The following KIF20B variants were observed in gnomAD, a reference collection of about 807,000 sequenced individuals.
The protein encoded by KIF20B is kinesin-like protein KIF20B.
Under a neutral mutation model 232.5 loss-of-function variants are expected in KIF20B, and 188 were observed. The observed-to-expected ratio is 0.81, with a 90% CI of 0.72 to 0.91. The LOEUF (loss-of-function observed/expected upper bound fraction) is 0.91, where lower values mean the gene tolerates loss of function less well. Among genes scored for constraint, KIF20B ranks in the 40% least tolerant of loss-of-function variants. The pLI is 0.00. For synonymous variants in KIF20B, 712 were observed against 683.0 expected (o/e 1.04, Z -0.66); for missense variants, 2,154 against 2,055.9 (o/e 1.05, Z -0.92).
intron 5 of KIF20B, among the ~76,000 whole-genome samples, chr10:89,710,361 C>T (rs1842812529): frequency 6.6e-6 from 1 of 151,962 alleles, no homozygotes; most frequent in Non-Finnish European, 1.5e-5. Context: ...TCCCAAGTAG[C>T]TGGGACTACA....
chr10:89,753,893 C>T (rs188795416), intron 25 of KIF20B, among the ~76,000 whole-genome samples: 61 of 152,166 alleles, frequency 4.0e-4, no homozygotes, highest in Non-Finnish European at 8.1e-4. Flanking sequence ...GCTGGAATTA[C>T]GGGCGTGAGC....
chr10:89,737,683 C>T lies in KIF20B; in HGVS notation c.2842C>T (p.His948Tyr), dbSNP rs150024761. 806 of 1,612,892 alleles carry T rather than the reference C, an allele frequency of 5.0e-4. 7 individuals are homozygous for T. The African/African-American group carries it at 9.7e-3, about 19-fold the overall frequency. ...SNYDIAIAEL[H>Y]VQKSKNQEQE... ...TTATGATATTGCAATTGCTGAATTA[C>T]ATGTGCAGAAAAGTAAAAATCAAGA... The change falls in exon 20 of 33, where the codon CAT (histidine) becomes TAT (tyrosine). Residue 948 changes from histidine (H) to tyrosine (Y), a missense_variant. Physicochemically the swap from His to Tyr is moderately conservative, Grantham distance 83. Coordinates refer to ENST00000371728, the MANE Select transcript of KIF20B (RefSeq NM_001284259.2).
chr10:89,744,579 C>CA (rs1841872132), intron 22 of KIF20B, among the ~76,000 whole-genome samples: 2 of 151,176 alleles, frequency 1.3e-5, no homozygotes, highest in East Asian at 1.9e-4. Context: ...AAATAAAATG[C>CA]AAAAAAACAA....
intron 21 of KIF20B, among the ~76,000 whole-genome samples, chr10:89,743,007 A>G (rs1433178683): frequency 6.6e-6 from 1 of 151,988 alleles, no homozygotes. Context: ...GGCCTTCTCT[A>G]TGCTTTTTAT....
intron 23 of KIF20B, among the ~76,000 whole-genome samples, chr10:89,746,947 T>C (rs10509580): frequency 0.78 from 119,309 of 152,212 alleles, 47,168 homozygotes; most frequent in South Asian, 0.93. Flanking sequence ...TTTCTTGTAA[T>C]GGCCAGTATT....
intron 26 of KIF20B, among the ~76,000 whole-genome samples, chr10:89,755,619 G>A (rs1457412395): frequency 1.3e-5 from 2 of 151,346 alleles, no homozygotes; most frequent in South Asian, 2.1e-4. Context: ...AAAGAGACAA[G>A]GTCTTGTTCT....
intron 32 of KIF20B, among the ~76,000 whole-genome samples, chr10:89,773,714 A>G (rs1208267208): frequency 6.6e-6 from 1 of 152,040 alleles, no homozygotes; most frequent in Non-Finnish European, 1.5e-5. Context: ...AATTATTTTA[A>G]GTTATATCTG....
chr10:89,730,245 A>C (rs1164735494), intron 18 of KIF20B, among the ~76,000 whole-genome samples: 1 of 152,170 alleles, frequency 6.6e-6, no homozygotes, highest in Non-Finnish European at 1.5e-5. Flanking sequence ...AAATATCCTA[A>C]TATTTAATAT....
chr10:89,714,817 C>T, intron 7 of KIF20B, 138 bp from the exon 8 acceptor site: 3 of 589,294 alleles, frequency 5.1e-6, no homozygotes, highest in African/African-American at 2.0e-5. Context: ...TCCTTTGTTC[C>T]AAAAAGTTTT....
rs1302946616 is a variant in KIF20B at position 89,726,316 on chromosome 10, T to TGAA, written c.2028_2030dup (p.Glu676dup). On this transcript the variant is annotated inframe_insertion, in exon 16 of 33. Coordinates refer to ENST00000371728, the MANE Select transcript of KIF20B (RefSeq NM_001284259.2). ...AGGAAACACATAATTATGTAGGATT[T>TGAA]GAAGATATTATTGATTCTCTTCAAG... The TGAA allele has an allele frequency of 1.9e-6, 3 of 1,549,272 alleles. No individual in the cohort carries two copies. In the African/African-American group the frequency reaches 4.1e-5, roughly 21 times the overall value.
At chr10:89,729,072 C>T in intron 17 of KIF20B, 56 bp from the exon 18 acceptor site, 2 of 1,247,140 alleles carry the variant, frequency 1.6e-6, no homozygotes, top group Non-Finnish European at 2.1e-6. Flanking sequence ...ATCATATTTG[C>T]ATTCTAGTTA....
rs1386362544 is a variant in KIF20B at position 89,738,178 on chromosome 10, C to A, written c.3337C>A (p.Leu1113Ile). The change falls in exon 20 of 33, where the codon CTA (leucine) becomes ATA (isoleucine). Residue 1113 changes from leucine to isoleucine, a missense_variant. By Grantham distance (5) the Leu-to-Ile change is conservative (BLOSUM62 2). Transcript: ENST00000371728. ...GAAGGAGCATAAAAACCAAGATGAC[C>A]TACTAAAAGAAAAAGAAACTCTTAT... The part of the protein sequence containing the change: ...KEKEHKNQDD[L>I]LKEKETLIQQ... 2 of 1,606,656 alleles carry A rather than the reference C, an allele frequency of 1.2e-6. No individual in the cohort carries two copies. The highest frequency in any genetic ancestry group is 1.7e-6 in the Non-Finnish European group (2 of 1,178,990).
intron 21 of KIF20B, among the ~76,000 whole-genome samples, chr10:89,742,956 C>T (rs1194811798): frequency 6.6e-6 from 1 of 152,166 alleles, no homozygotes; most frequent in African/African-American, 2.4e-5. Flanking sequence ...TTGCCTCCGC[C>T]TCCCAGAGTG....
chr10:89,704,724 T>A (rs1441936049), intron 1 of KIF20B, among the ~76,000 whole-genome samples: 1 of 151,960 alleles, frequency 6.6e-6, no homozygotes, highest in Non-Finnish European at 1.5e-5. Flanking sequence ...CCTGGCTAAT[T>A]TTTTTTGTAT....
chr10:89,753,861 G>T (rs183167669), intron 25 of KIF20B, among the ~76,000 whole-genome samples: 7 of 152,144 alleles, frequency 4.6e-5, no homozygotes, highest in Non-Finnish European at 8.8e-5. Context: ...CTCGTGATCC[G>T]CCCACCTTGG....
At chr10:89,723,901 G>T (rs1843119624) in intron 13 of KIF20B, 63 bp from the exon 14 acceptor site, 1 of 1,217,070 alleles carries the variant, frequency 8.2e-7, no homozygotes, top group East Asian at 2.9e-5. Flanking sequence ...TGAACAGTTG[G>T]ACGGTATTTC....
chr10:89,746,225 C>T (rs7923952), intron 23 of KIF20B, among the ~76,000 whole-genome samples: 10,614 of 152,272 alleles, frequency 0.07, 459 homozygotes, highest in East Asian at 0.1. Flanking sequence ...TGTTAATCAG[C>T]TCAATTAGAC....
chr10:89,726,612 C>A, intron 16 of KIF20B, 91 bp downstream of exon 16: 1 of 1,078,338 alleles, frequency 9.3e-7, no homozygotes, highest in Non-Finnish European at 1.2e-6. Flanking sequence ...GCTCATTTAC[C>A]GTAGTGACCA....
Position 89,724,087 on chromosome 10 carries a change from C to T in KIF20B, c.1846C>T (p.Arg616Trp), listed in dbSNP as rs1027968562. The change falls in exon 14 of 33, where the codon CGG becomes TGG. Residue 616 changes from arginine (R) to tryptophan (W), a missense_variant. Coordinates refer to ENST00000371728, the MANE Select transcript of KIF20B (RefSeq NM_001284259.2). ...TQEFTQYWAQ[R>W]EADFKETLLQ... Reference sequence around the variant, plus strand: ...GGAGTTTACTCAGTATTGGGCTCAACGGGAAGCTGACTTTAAGTAAGTTAT... The same window carrying T: ...GGAGTTTACTCAGTATTGGGCTCAATGGGAAGCTGACTTTAAGTAAGTTAT... 4.0e-6 allele frequency: 6 copies of T among 1,490,372 alleles called. No homozygotes were observed. The African/African-American group carries it at 4.4e-5, about 11-fold the overall frequency. 92.3% of individuals were successfully genotyped at this position (1,490,372 alleles called of 1,614,324 possible). A position where few individuals can be genotyped will look rare whatever the true frequency, so the allele number is the denominator to read the frequency against.
Sources: gnomAD v4.1 joint callset for allele counts (sites outside exome capture counted in the v4.1 genomes callset) on GRCh38, gnomAD v4.1.1 for gene constraint, MANE v1.5 for transcripts, NCBI Gene and HGNC (gene_info 2026-07-23, HGNC 2026-07-21) for gene names.